TG: variants seen among roughly 807,000 people sequenced by gnomAD.
The protein encoded by TG is thyroglobulin.
A neutral mutation model predicts 324.7 loss-of-function variants in TG; 270 were observed. That is an observed-to-expected ratio of 0.83 (90% confidence interval 0.75 to 0.92). The LOEUF (loss-of-function observed/expected upper bound fraction) is 0.92. TG is among the 40% of genes least tolerant of loss of function. The pLI, the probability that TG is intolerant of heterozygous loss-of-function variation, is 0.00. For missense variants in TG, 3,591 were observed against 3,456.4 expected, an observed-to-expected ratio of 1.04 and a Z score of -0.98; for synonymous variants, 1,401 against 1,327.0, an observed-to-expected ratio of 1.06 and a Z score of -1.21.
intron 45 of TG, among the ~76,000 whole-genome samples, chr8:133,124,326 A>G (rs1005130792): frequency 6.6e-6 from 1 of 152,232 alleles, no homozygotes; most frequent in Non-Finnish European, 1.5e-5. Context: ...TGTTTCAACA[A>G]GACCACATTT....
chr8:132,955,617 C>T (rs1193695275), intron 27 of TG, among the ~76,000 whole-genome samples: 3 of 152,150 alleles, frequency 2.0e-5, no homozygotes, highest in East Asian at 1.9e-4. Flanking sequence ...CTATTTCCAG[C>T]GTTCAGTAGG....
intron 10 of TG, among the ~76,000 whole-genome samples, chr8:132,891,523 C>T (rs1035065064): frequency 5.3e-5 from 8 of 152,056 alleles, no homozygotes; most frequent in African/African-American, 1.4e-4. Context: ...CTTGTAGAGA[C>T]GGGGTTTTAC....
intron 20 of TG, among the ~76,000 whole-genome samples, chr8:132,918,004 T>C (rs1820607214): frequency 6.6e-6 from 1 of 151,226 alleles, no homozygotes; most frequent in Non-Finnish European, 1.5e-5. Context: ...TAACTGAGGG[T>C]CAGCACCTAT....
intron 34 of TG, among the ~76,000 whole-genome samples, chr8:132,975,608 G>T (rs1480092377): frequency 6.6e-6 from 1 of 152,156 alleles, no homozygotes; most frequent in African/African-American, 2.4e-5. Flanking sequence ...ATACCTGGGG[G>T]TCCTCTGGCA....
Position 132,935,736 on chromosome 8 carries a change from C to T in TG, c.4933-20C>T. The T allele has an allele frequency of 1.3e-6, 2 of 1,586,030 alleles. No individual in the cohort carries two copies. Among genetic ancestry groups the T allele is most frequent in the Non-Finnish European group, 1.7e-6 (2 of 1,155,734 alleles). Reference sequence around the variant, plus strand: ...TATAAAGTATTGCAGGATAATAATGCAGCATCTTTCCATCTCCAGAAACGA... The same window carrying T: ...TATAAAGTATTGCAGGATAATAATGTAGCATCTTTCCATCTCCAGAAACGA... On this transcript the variant is annotated intron_variant, in intron 24 of 47. Coordinates refer to ENST00000220616, the MANE Select transcript of TG (RefSeq NM_003235.5).
chr8:132,922,202 C>T (rs982363997), intron 21 of TG, among the ~76,000 whole-genome samples: 2 of 152,172 alleles, frequency 1.3e-5, no homozygotes, highest in African/African-American at 4.8e-5. Context: ...ACTGTTATAG[C>T]AGCTTGTGAG....
intron 26 of TG, among the ~76,000 whole-genome samples, chr8:132,947,411 A>G (rs957308997): frequency 6.6e-6 from 1 of 152,052 alleles, no homozygotes; most frequent in African/African-American, 2.4e-5. Context: ...AGGCCACTTA[A>G]AAAAATTCAG....
chr8:132,917,889 A>ATATTTT (rs528246451), intron 20 of TG, among the ~76,000 whole-genome samples: 1 of 138,766 alleles, frequency 7.2e-6, no homozygotes, highest in East Asian at 2.1e-4. Context: ...GGTTTTTGCA[A>ATATTTT]TTTTTTTTTT....
At chr8:132,919,669 T>A (rs887013371) in intron 21 of TG, 144 bp downstream of exon 21, 4 of 1,092,038 alleles carry the variant, frequency 3.7e-6, no homozygotes, top group Non-Finnish European at 5.4e-6. Context: ...GGATATTTAG[T>A]AGCATTGGTA....
At chr8:133,125,271 T>C (rs1851430558) in intron 45 of TG, among the ~76,000 whole-genome samples, 1 of 152,180 alleles carries the variant, frequency 6.6e-6, no homozygotes, top group African/African-American at 2.4e-5. Context: ...CACATCAATA[T>C]GCAGCATATG....
chr8:132,935,470 C>G (rs958603177), intron 24 of TG, among the ~76,000 whole-genome samples: 1 of 152,090 alleles, frequency 6.6e-6, no homozygotes, highest in African/African-American at 2.4e-5. Flanking sequence ...ATCTCAGAAC[C>G]TCACTCAGAC....
At chr8:133,014,746 C>T (rs1029509374) in intron 37 of TG, among the ~76,000 whole-genome samples, 4 of 152,234 alleles carry the variant, frequency 2.6e-5, no homozygotes, top group African/African-American at 9.6e-5. Flanking sequence ...TCTTCTGCCC[C>T]CTCCTCAGCC....
intron 9 of TG, 89 bp from the exon 10 acceptor site, chr8:132,887,895 G>A (rs935195057): frequency 3.2e-5 from 39 of 1,229,270 alleles, no homozygotes; most frequent in African/African-American, 2.9e-4. Context: ...GGTTTTAGAC[G>A]GAGTTTGGAC....
In TG at chr8:132,892,400, C is replaced by T. The variant is rs185948142; in HGVS notation, c.2762-1290C>T. Among the ~76,000 whole-genome samples, 641 of 152,320 alleles carry T rather than the reference C, an allele frequency of 4.2e-3. 5 individuals are homozygous for T. Among genetic ancestry groups the T allele is most frequent in the African/African-American group, 0.013 (549 of 41,552 alleles). ...ATGACTTCTCCATGCCTCAGTTTCT[C>T]ATCTGTAGCATGAGAATAAGAATAT... On this transcript the variant is annotated intron_variant, in intron 10 of 47. Coordinates refer to ENST00000220616, the MANE Select transcript of TG (RefSeq NM_003235.5).
chr8:132,992,176 C>T (rs749663380), intron 35 of TG, among the ~76,000 whole-genome samples: 9 of 152,102 alleles, frequency 5.9e-5, no homozygotes, highest in South Asian at 2.1e-4. Context: ...CACTGGGGTA[C>T]GGCTGTAAAT....
intron 34 of TG, among the ~76,000 whole-genome samples, chr8:132,982,502 T>TGTTTA (rs1178563498): frequency 3.3e-5 from 5 of 152,218 alleles, no homozygotes; most frequent in Non-Finnish European, 7.3e-5. Flanking sequence ...CTTCGTTTTA[T>TGTTTA]CAATGCTGAA....
chr8:133,055,363 GCGCACACACA>G (rs1298645528), intron 41 of TG, among the ~76,000 whole-genome samples: 78 of 32,020 alleles, frequency 2.4e-3, no homozygotes, highest in East Asian at 0.015. Context: ...ACACGCACGC[GCGCACACACA>G]CACACACACA....
At position 133,012,142 on chromosome 8, in the gene TG, A is replaced by G. The variant is rs1834571225; in HGVS notation, c.6397+107A>G. 2.0e-6 allele frequency: 3 copies of G among 1,521,588 alleles called. No homozygotes were observed. The East Asian group carries it at 6.8e-5, about 34-fold the overall frequency. 94.3% of individuals were successfully genotyped at this position (1,521,588 alleles called of 1,614,324 possible). On this transcript the variant is annotated intron_variant, in intron 36 of 47. Transcript: ENST00000220616. ...ACATGAGACACTACGATAACCTAGGATGCTTGGAAGTAAGGGATTAACCTG... is the reference window on the plus strand; with the variant it reads ...ACATGAGACACTACGATAACCTAGGGTGCTTGGAAGTAAGGGATTAACCTG...
intron 24 of TG, 109 bp downstream of exon 24, chr8:132,933,785 G>A (rs1156510682): frequency 2.1e-6 from 2 of 968,590 alleles, no homozygotes; most frequent in Non-Finnish European, 3.4e-6. Context: ...GTTGTCGAGA[G>A]CTGATCCTCT....
Sources: allele counts gnomAD v4.1 joint callset (sites outside exome capture counted in the v4.1 genomes callset), GRCh38; gene constraint gnomAD v4.1.1; transcripts MANE v1.5; gene names NCBI Gene and HGNC (gene_info 2026-07-23, HGNC 2026-07-21).